Variants in ECPAS observed in about 807,000 individuals in gnomAD.
ECPAS encodes Ecm29 proteasome adaptor and scaffold.
ECPAS carries 70 observed loss-of-function variants against 255.1 expected under a neutral mutation model. That is an observed-to-expected ratio of 0.27 (90% CI 0.23 to 0.33). The LOEUF (loss-of-function observed/expected upper bound fraction) is 0.33, where lower values mean the gene tolerates loss of function less well. Ranked by LOEUF, ECPAS falls within the 10% of genes least tolerant of loss-of-function variation. ECPAS has a pLI of 1.00. For missense variants in ECPAS, 1,817 were observed against 2,206.4 expected (o/e 0.82, Z 3.54); for synonymous variants, 784 against 775.0 (o/e 1.01, Z -0.19).
At chr9:111,458,976 G>T (rs1444225857) in intron 2 of ECPAS, among the ~76,000 whole-genome samples, 13 of 152,056 alleles carry the variant, frequency 8.5e-5, no homozygotes, top group African/African-American at 2.9e-4. Context: ...ACCTGAGGGG[G>T]TCCATGGAGA....
At chr9:111,366,689 T>A in intron 46 of ECPAS, 62 bp from the exon 47 acceptor site, 1 of 1,026,362 alleles carries the variant, frequency 9.7e-7, no homozygotes, top group Non-Finnish European at 1.5e-6. Context: ...AGAGATGGAA[T>A]AAATGAGGGA....
Position 111,370,551 on chromosome 9 carries a change from T to C in ECPAS, c.4858A>G (p.Lys1620Glu). The change falls in exon 45 of 50, where the codon AAA becomes GAA. Residue 1620 changes from lysine to glutamate, a missense_variant. This residue lies in a region of ECPAS where 960 missense variants were observed against 1,179.0 expected (regional missense o/e 0.81). Coordinates refer to ENST00000684092, the MANE Select transcript of ECPAS (RefSeq NM_001364929.1). ...ACAATCTTGTATTTGACATTCTCTT[T>C]GCTACATTCCTTCAGAACAGCTTGA... The part of the protein sequence containing the change: ...ILQAVLKECS[K>E]ENVKYKIVAI... 1 of 1,611,182 alleles carries C rather than the reference T, an allele frequency of 6.2e-7. No homozygotes were observed. The highest frequency in any genetic ancestry group is 8.5e-7 in the Non-Finnish European group (1 of 1,178,594).
intron 23 of ECPAS, among the ~76,000 whole-genome samples, chr9:111,408,874 A>C (rs1321026726): frequency 6.6e-6 from 1 of 152,232 alleles, no homozygotes; most frequent in East Asian, 1.9e-4. Context: ...TCCACTAAGG[A>C]TCCACAGCTG....
At chr9:111,453,510 C>T (rs1324057501) in intron 2 of ECPAS, among the ~76,000 whole-genome samples, 2 of 151,938 alleles carry the variant, frequency 1.3e-5, no homozygotes, top group Non-Finnish European at 1.5e-5. Context: ...GGAGGTGGAG[C>T]TTAATTCCTG....
chr9:111,380,754 T>C (rs2098139587), intron 35 of ECPAS, among the ~76,000 whole-genome samples: 1 of 152,266 alleles, frequency 6.6e-6, no homozygotes, highest in African/African-American at 2.4e-5. Flanking sequence ...CTGCAGCTTC[T>C]GTATCAGCAA....
chr9:111,410,425 C>T (rs1301423367), intron 22 of ECPAS, among the ~76,000 whole-genome samples: 1 of 151,732 alleles, frequency 6.6e-6, no homozygotes, highest in Non-Finnish European at 1.5e-5. Flanking sequence ...TAAATTTGTT[C>T]CCATAATAGG....
chr9:111,466,515 T>C (rs2098279756), intron 2 of ECPAS, among the ~76,000 whole-genome samples: 1 of 151,912 alleles, frequency 6.6e-6, no homozygotes, highest in African/African-American at 2.4e-5. Context: ...ACCCTGAGAA[T>C]CTTAAAATTC....
At chr9:111,434,112 T>C (rs1238061114) in intron 7 of ECPAS, among the ~76,000 whole-genome samples, 3 of 152,200 alleles carry the variant, frequency 2.0e-5, no homozygotes, top group Non-Finnish European at 4.4e-5. Context: ...TAACAGTTTT[T>C]ACATATACTA....
intron 1 of ECPAS, among the ~76,000 whole-genome samples, chr9:111,480,499 T>C (rs186488614): frequency 1.5e-4 from 23 of 152,170 alleles, no homozygotes; most frequent in African/African-American, 5.5e-4. Flanking sequence ...GGTTTCACCA[T>C]GTTGGCCAGC....
chr9:111,427,081 G>A (rs947280147), intron 10 of ECPAS, among the ~76,000 whole-genome samples: 5 of 151,312 alleles, frequency 3.3e-5, no homozygotes, highest in African/African-American at 1.2e-4. Flanking sequence ...GATCACTTCA[G>A]CCTGGGAGGT....
intron 7 of ECPAS, among the ~76,000 whole-genome samples, chr9:111,433,726 C>T (rs2098233539): frequency 6.6e-6 from 1 of 152,122 alleles, no homozygotes; most frequent in East Asian, 1.9e-4. Context: ...GGTTACACAG[C>T]CTCTCTAGAG....
chr9:111,484,333 C>A lies in ECPAS; in HGVS notation c.-300G>T. ...CCGAGGTCTGCGGCTGTCACGTTGGCTGGGCCCGACCTGGGGAAACACGCC... is the reference window on the plus strand; with the variant it reads ...CCGAGGTCTGCGGCTGTCACGTTGGATGGGCCCGACCTGGGGAAACACGCC... On this transcript the variant is annotated 5_prime_UTR_variant, in exon 1 of 50. Transcript: ENST00000684092. 1 of 1,603,724 alleles carries A rather than the reference C, an allele frequency of 6.2e-7. No individual in the cohort carries two copies.
intron 16 of ECPAS, among the ~76,000 whole-genome samples, chr9:111,419,000 T>A (rs2098208838): frequency 6.6e-6 from 1 of 152,178 alleles, no homozygotes; most frequent in Non-Finnish European, 1.5e-5. Context: ...GGTAATAACT[T>A]GTGATGTCCA....
intron 21 of ECPAS, 44 bp from the exon 22 acceptor site, chr9:111,411,186 T>C (rs747228867): frequency 1.3e-6 from 2 of 1,592,164 alleles, no homozygotes; most frequent in South Asian, 1.1e-5. Flanking sequence ...CTCTCTCTCA[T>C]ATACGCAAGA....
chr9:111,394,038 T>G, intron 26 of ECPAS, 122 bp downstream of exon 26: 1 of 993,216 alleles, frequency 1.0e-6, no homozygotes, highest in Non-Finnish European at 1.4e-6. Context: ...CCTTCATTCC[T>G]TCATGTACAA....
intron 2 of ECPAS, 86 bp downstream of exon 2, chr9:111,472,811 G>A (rs755102304): frequency 7.4e-6 from 2 of 271,406 alleles, no homozygotes; most frequent in Non-Finnish European, 1.4e-5. Context: ...AAGATCTTGG[G>A]GGGAAATTGC....
chr9:111,457,199 C>G (rs1270265222), intron 2 of ECPAS, among the ~76,000 whole-genome samples: 1 of 152,020 alleles, frequency 6.6e-6, no homozygotes, highest in Non-Finnish European at 1.5e-5. Context: ...GCAGACTGTA[C>G]AGGGTAGAGG....
chr9:111,420,151 C>A (rs2098211114), intron 15 of ECPAS, 31 bp from the exon 16 acceptor site: 1 of 1,466,208 alleles, frequency 6.8e-7, no homozygotes, highest in South Asian at 1.2e-5. Context: ...CACAGACCAC[C>A]CCGATCCGAA....
rs148704175 is a variant in ECPAS at position 111,410,086 on chromosome 9, T to C, written c.2505A>G (p.Val835=). The C allele has an allele frequency of 4.8e-4, 762 of 1,590,258 alleles. No individual in the cohort carries two copies. Among genetic ancestry groups the C allele is most frequent in the Non-Finnish European group, 6.1e-4 (716 of 1,167,584 alleles). ...AAGGTATTCTACTTAGTAAGCTTTCTACAAGATGCAATTTGGTAAAGCCAG... is the reference window on the plus strand; with the variant it reads ...AAGGTATTCTACTTAGTAAGCTTTCCACAAGATGCAATTTGGTAAAGCCAG... The part of the protein sequence containing the change: ...EGSGFTKLHL[V]ESLLSRIPSS... The change falls in exon 23 of 50, where the codon GTA becomes GTG. Residue 835 remains valine (V), a synonymous_variant. Transcript: ENST00000684092.
Sources: allele counts gnomAD v4.1 joint callset (sites outside exome capture counted in the v4.1 genomes callset), GRCh38; gene constraint gnomAD v4.1.1; regional missense constraint gnomAD v4.1.1; transcripts MANE v1.5; gene names NCBI Gene and HGNC (gene_info 2026-07-23, HGNC 2026-07-21).